USP1: variants seen among roughly 807,000 people sequenced by gnomAD.
USP1 encodes the protein ubiquitin specific peptidase 1, also known as ubiquitin carboxyl-terminal hydrolase 1.
A neutral mutation model predicts 72.2 loss-of-function variants in USP1; 18 were observed. The observed-to-expected ratio is 0.25, with a 90% confidence interval of 0.17 to 0.37. The LOEUF (loss-of-function observed/expected upper bound fraction) is 0.37, where lower values mean the gene tolerates loss of function less well. Ranked by LOEUF, USP1 falls within the 10% of genes least tolerant of loss-of-function variation. The pLI is 1.00. For synonymous variants in USP1, 354 were observed against 303.7 expected, an observed-to-expected ratio of 1.17 and a Z score of -1.72; for missense variants, 759 against 884.9, an observed-to-expected ratio of 0.86 and a Z score of 1.81.
chr1:62,440,853 T>A (rs1173779506), intron 2 of USP1, among the ~76,000 whole-genome samples: 2 of 151,834 alleles, frequency 1.3e-5, no homozygotes, highest in Non-Finnish European at 2.9e-5. Context: ...AATAGTAAAC[T>A]TAAAGCATTT....
rs1246041539 is a variant in USP1 at position 62,448,733 on chromosome 1, A to G, written c.1622+67A>G. 3 of 1,470,666 alleles carry G rather than the reference A, an allele frequency of 2.0e-6. No homozygotes were observed. In the Admixed American group the frequency reaches 5.3e-5, roughly 26 times the overall value. The allele number at this position is 1,470,666 out of a possible 1,614,324, so 91.1% of individuals were successfully genotyped here. ...CTGTAGAAGATAAGTCTTGTTCAAAATGCTGTAATAGTAGGAATATAAAGT... is the reference window on the plus strand; with the variant it reads ...CTGTAGAAGATAAGTCTTGTTCAAAGTGCTGTAATAGTAGGAATATAAAGT... On this transcript the variant is annotated intron_variant, in intron 8 of 8. Coordinates refer to ENST00000339950, the MANE Select transcript of USP1 (RefSeq NM_003368.5).
At position 62,450,580 on chromosome 1, in the gene USP1, C is replaced by G; in HGVS notation, c.1957C>G (p.Gln653Glu). The stretch of plus-strand genomic sequence containing the variant: ...GTCAATTAGAGTTGGTGGAAATACA[C>G]AGCCAAGTAAAGTTTTGAACAAAAA... ...EVSIRVGGNTQPSKVLNKKNV... is the reference protein window; with the variant it reads ...EVSIRVGGNTEPSKVLNKKNV... The change falls in exon 9 of 9, where the codon CAG becomes GAG. Residue 653 changes from glutamine (Q) to glutamate (E), a missense_variant. Gln to Glu is a conservative substitution (Grantham distance 29, BLOSUM62 2). Around this residue, in one of 9 missense-constraint regions of USP1, gnomAD observed 159 missense variants for 140.9 expected, o/e 1.13. Coordinates refer to ENST00000339950, the MANE Select transcript of USP1 (RefSeq NM_003368.5). 1 of 1,613,948 alleles carries G rather than the reference C, an allele frequency of 6.2e-7. No individual in the cohort carries two copies. Among genetic ancestry groups the G allele is most frequent in the Non-Finnish European group, 8.5e-7 (1 of 1,180,016 alleles).
intron 7 of USP1, 111 bp from the exon 8 acceptor site, chr1:62,448,354 A>G: frequency 9.9e-7 from 1 of 1,005,178 alleles, no homozygotes; most frequent in South Asian, 1.7e-5. Flanking sequence ...TTAGTTATTT[A>G]GGAATGGGTC....
intron 6 of USP1, 93 bp downstream of exon 6, chr1:62,445,522 T>C: frequency 1.7e-6 from 2 of 1,177,924 alleles, no homozygotes; most frequent in East Asian, 5.3e-5. Flanking sequence ...ATATAATCTC[T>C]GGCTAAAATT....
Position 62,444,669 on chromosome 1 carries a change from TTTC to T in USP1, c.558-67_558-65del, listed in dbSNP as rs1413492454. 2.5e-6 allele frequency: 3 copies of T among 1,187,388 alleles called. No individual in the cohort carries two copies. The East Asian group carries it at 8.3e-5, about 33-fold the overall frequency. The allele number at this position is 1,187,388 out of a possible 1,614,324, so 73.6% of individuals were successfully genotyped here. On this transcript the variant is annotated intron_variant, in intron 5 of 8. Transcript: ENST00000339950. ...TTATGATTTTCCTTACATGAATTAATTTCTATATAGGCTTTATGTACTGTATCT... is the reference window on the plus strand; with the variant it reads ...TTATGATTTTCCTTACATGAATTAATTATATAGGCTTTATGTACTGTATCT...
At chr1:62,440,893 C>T (rs1047084906) in intron 2 of USP1, among the ~76,000 whole-genome samples, 2 of 151,982 alleles carry the variant, frequency 1.3e-5, no homozygotes, top group Non-Finnish European at 2.9e-5. Flanking sequence ...CCTTGTGTTG[C>T]CCAGGCTGGT....
intron 3 of USP1, 66 bp from the exon 4 acceptor site, chr1:62,442,126 ATGT>A (rs1287937881): frequency 1.5e-5 from 16 of 1,058,034 alleles, no homozygotes; most frequent in African/African-American, 3.2e-5. Context: ...AGAAAGCATG[ATGT>A]TGTTTTAATG....
Position 62,440,007 on chromosome 1 carries a change from A to G in USP1, c.140A>G (p.Glu47Gly). The change falls in exon 2 of 9, where the codon GAA (glutamate) becomes GGA (glycine). Residue 47 changes from glutamate to glycine, a missense_variant. Transcript: ENST00000339950. The stretch of plus-strand genomic sequence containing the variant: ...TTCACAGATTCTCAAGAAAATGAAG[A>G]AAAAGCTTCTGAATATAGAGCATCT... ...LDFTDSQENEEKASEYRASEI... is the reference protein window; with the variant it reads ...LDFTDSQENEGKASEYRASEI... 1 of 1,548,752 alleles carries G rather than the reference A, an allele frequency of 6.5e-7. No homozygotes were observed. The highest frequency in any genetic ancestry group is 8.6e-7 in the Non-Finnish European group (1 of 1,156,140).
chr1:62,448,687 C>T, intron 8 of USP1, 21 bp downstream of exon 8: 2 of 1,604,832 alleles, frequency 1.2e-6, no homozygotes, highest in Non-Finnish European at 1.7e-6. Flanking sequence ...TAAATAAGAA[C>T]TATATGAAGA....
upstream of USP1, chr1:62,436,916 G>A (rs1430151361): frequency 5.1e-6 from 2 of 390,310 alleles, no homozygotes; most frequent in Non-Finnish European, 9.1e-6. Flanking sequence ...GGGGCGAGTG[G>A]CCGTCGCGAG....
At chr1:62,436,837 G>C, upstream of USP1, 1 of 329,452 alleles carries the variant, frequency 3.0e-6, no homozygotes, top group Non-Finnish European at 5.5e-6. Flanking sequence ...TGCGTTGTTT[G>C]AAACTGTGGA....
intron 1 of USP1, among the ~76,000 whole-genome samples, chr1:62,438,092 C>T (rs9436660): frequency 0.016 from 2,410 of 151,936 alleles, 71 homozygotes; most frequent in African/African-American, 0.055. Context: ...AGATACTGCA[C>T]CTGGCAAAAT....
In USP1 at chr1:62,450,970, A is replaced by G; in HGVS notation, c.2347A>G (p.Lys783Glu). The G allele has an allele frequency of 6.3e-7, 1 of 1,589,322 alleles. No individual in the cohort carries two copies. Among genetic ancestry groups the G allele is most frequent in the Non-Finnish European group, 8.5e-7 (1 of 1,172,776 alleles). ...TTCTACTCCTTACTTGCTATTTTAT[A>G]AGAAATTATAGAGTGAGTGTATTTT... ...PTSTPYLLFY[K>E]KL Residue 783 changes from lysine (K) to glutamate (E), a missense_variant, in exon 9 of 9, where the codon AAG becomes GAG. Coordinates refer to ENST00000339950, the MANE Select transcript of USP1 (RefSeq NM_003368.5).
intron 1 of USP1, among the ~76,000 whole-genome samples, chr1:62,438,674 A>C (rs1237078117): frequency 1.3e-5 from 2 of 152,192 alleles, no homozygotes. Context: ...GGCCTGATGT[A>C]GAAAATATTA....
rs1422241774 is a variant in USP1, at chr1:62,443,251, T to C, written c.489T>C (p.Phe163=). The change falls in exon 5 of 9, where the codon TTT becomes TTC. Residue 163 remains phenylalanine (F), a synonymous_variant. Transcript: ENST00000339950. ...IISVEQLQAS[F]LLNPEKYTDE... is the part of the protein sequence containing the mutation. Reference sequence around the variant, plus strand: ...CGGTTGAACAGCTCCAGGCTAGTTTTCTCTTAAATCCAGAGAAATATACTG... The same window carrying C: ...CGGTTGAACAGCTCCAGGCTAGTTTCCTCTTAAATCCAGAGAAATATACTG... The C allele has an allele frequency of 2.5e-6, 4 of 1,614,098 alleles. No individual in the cohort carries two copies. In the Admixed American group the frequency reaches 6.7e-5, roughly 27 times the overall value.
At chr1:62,449,772 C>T (rs180737652) in intron 8 of USP1, among the ~76,000 whole-genome samples, 26 of 151,700 alleles carry the variant, frequency 1.7e-4, no homozygotes, top group African/African-American at 6.1e-4. Flanking sequence ...ACTAGTTTGG[C>T]GTGGTGGCGG....
chr1:62,446,476 T>C (rs1184665136), intron 6 of USP1, among the ~76,000 whole-genome samples: 21 of 152,256 alleles, frequency 1.4e-4, no homozygotes. Flanking sequence ...TACTGAATAC[T>C]GTAGGCAACT....
At position 62,441,533 on chromosome 1, in the gene USP1, G is replaced by C. The variant is rs1340605079; in HGVS notation, c.216G>C (p.Glu72Asp). ...CACAGTCTTCACCTATAAACTGTGA[G>C]AAGAGAGAAAACTTGTTACCATTTG... ...PAAQSSPINC[E>D]KRENLLPFVG... Residue 72 changes from glutamate (E) to aspartate (D), a missense_variant, in exon 3 of 9, where the codon GAG becomes GAC. By Grantham distance (45) the Glu-to-Asp change is conservative. Transcript: ENST00000339950. The C allele has an allele frequency of 3.1e-6, 5 of 1,613,618 alleles. No homozygotes were observed. The highest frequency in any genetic ancestry group is 3.4e-6 in the Non-Finnish European group (4 of 1,179,792).
Position 62,451,057 on chromosome 1 carries a change from CTT to C in USP1, c.*78_*79del, listed in dbSNP as rs1182251798. 3 of 1,376,668 alleles carry C rather than the reference CTT, an allele frequency of 2.2e-6. No individual in the cohort carries two copies. Among genetic ancestry groups the C allele is most frequent in the African/African-American group, 1.5e-5 (1 of 68,952 alleles). 85.3% of individuals were successfully genotyped at this position (1,376,668 alleles called of 1,614,324 possible). ...GGTAAAGTTGATTACATCAAAGAAT[CTT>C]TAGCTTATCTTTTGAAGCTACTGGA... On this transcript the variant is annotated 3_prime_UTR_variant, in exon 9 of 9. Coordinates refer to ENST00000339950, the MANE Select transcript of USP1 (RefSeq NM_003368.5).
Sources: allele counts gnomAD v4.1 joint callset (sites outside exome capture counted in the v4.1 genomes callset), GRCh38; gene constraint gnomAD v4.1.1; regional missense constraint gnomAD v4.1.1; transcripts MANE v1.5; gene names NCBI Gene and HGNC (gene_info 2026-07-23, HGNC 2026-07-21).